TCTN2: variants seen among roughly 807,000 people sequenced by gnomAD.
TCTN2 encodes the protein tectonic family member 2, also known as tectonic-2.
A neutral mutation model predicts 83.4 loss-of-function variants in TCTN2; 66 were observed. That is an observed-to-expected ratio of 0.79 (90% CI 0.65 to 0.97). The LOEUF is 0.97. TCTN2 is among the 50% of genes least tolerant of loss of function. TCTN2 has a pLI of 0.00. For synonymous variants in TCTN2, 301 were observed against 326.7 expected (o/e 0.92, Z 0.85); for missense variants, 794 against 858.1 (o/e 0.93, Z 0.93).
intron 13 of TCTN2, among the ~76,000 whole-genome samples, chr12:123,697,602 C>G (rs1166366642): frequency 2.0e-5 from 3 of 151,756 alleles, no homozygotes; most frequent in African/African-American, 7.3e-5. Context: ...CCGGTTCAAG[C>G]AATTCTCCTG....
At chr12:123,704,058 G>T (rs1956201880) in intron 14 of TCTN2, among the ~76,000 whole-genome samples, 1 of 143,170 alleles carries the variant, frequency 7.0e-6, no homozygotes, top group Non-Finnish European at 1.5e-5. Flanking sequence ...CCAGGCTGCA[G>T]TGCAGTGGTG....
chr12:123,672,367 G>A lies in TCTN2; in HGVS notation c.267+235G>A, dbSNP rs73418104. On this transcript the variant is annotated intron_variant, in intron 3 of 17. Transcript: ENST00000303372. ...TGAACTCTATGAAATTGTATGTAAA[G>A]TTCTGTGTGTATGTGCATTTTTCTG... Among the ~76,000 whole-genome samples the A allele has an allele frequency of 0.055, 8,314 of 152,162 alleles. 444 individuals are homozygous for A. Among genetic ancestry groups the A allele is most frequent in the African/African-American group, 0.13 (5,561 of 41,472 alleles).
intron 4 of TCTN2, 65 bp from the exon 5 acceptor site, chr12:123,679,124 A>G: frequency 6.9e-7 from 1 of 1,443,626 alleles, no homozygotes; most frequent in Non-Finnish European, 9.7e-7. Flanking sequence ...TTGAATGTCA[A>G]AAATGTGACT....
rs925852948 is a variant in TCTN2 at position 123,687,097 on chromosome 12, T to G, written c.764+62T>G. 2.5e-6 allele frequency: 4 copies of G among 1,573,854 alleles called. No homozygotes were observed. In the Admixed American group the frequency reaches 5.0e-5, roughly 20 times the overall value. Reference sequence around the variant, plus strand: ...TTCTCCCGCCCTGGTGGGGCCATACTCTAGTAGGCCCTGCAACGCGGTCAC... The same window carrying G: ...TTCTCCCGCCCTGGTGGGGCCATACGCTAGTAGGCCCTGCAACGCGGTCAC... On this transcript the variant is annotated intron_variant, in intron 6 of 17. Transcript: ENST00000303372.
chr12:123,706,346 C>A (rs184405272), intron 15 of TCTN2, among the ~76,000 whole-genome samples: 1 of 152,132 alleles, frequency 6.6e-6, no homozygotes, highest in African/African-American at 2.4e-5. Flanking sequence ...GTGCCTCGAA[C>A]GTGGAAAGCC....
At chr12:123,694,454 T>C (rs954912590) in intron 9 of TCTN2, among the ~76,000 whole-genome samples, 7 of 152,334 alleles carry the variant, frequency 4.6e-5, no homozygotes, top group African/African-American at 1.7e-4. Context: ...TCATCAAATG[T>C]TAGTGGAGTT....
intron 12 of TCTN2, chr12:123,696,722 A>G: frequency 1.7e-6 from 1 of 572,592 alleles, no homozygotes; most frequent in South Asian, 1.9e-5. Context: ...TGCTAGTAGA[A>G]AAGATTGAAA....
At chr12:123,687,466 G>A (rs1037820443) in intron 6 of TCTN2, among the ~76,000 whole-genome samples, 6 of 151,860 alleles carry the variant, frequency 4.0e-5, no homozygotes, top group Admixed American at 3.3e-4. Flanking sequence ...GACCATCCTG[G>A]CTAACACAGT....
chr12:123,679,110 T>G, intron 4 of TCTN2, 79 bp from the exon 5 acceptor site: 2 of 1,350,574 alleles, frequency 1.5e-6, no homozygotes, highest in Non-Finnish European at 2.1e-6. Context: ...AATTCAGCTT[T>G]CTTTTGAATG....
At position 123,686,958 on chromosome 12, in the gene TCTN2, C is replaced by T. The variant is rs752840193; in HGVS notation, c.687C>T (p.Pro229=). Residue 229 remains proline (P), a synonymous_variant, in exon 6 of 18, where the codon CCC becomes CCT. Transcript: ENST00000303372. ...CTGGGACGACGACACGTGGTGTCCC[C>T]GATTGGTTTCCCTTTCTGTGTGTGC... The part of the protein sequence containing the change: ...CSAGTTTRGV[P]DWFPFLCVQS... 43 of 1,614,166 alleles carry T rather than the reference C, an allele frequency of 2.7e-5. No homozygotes were observed. The highest frequency in any genetic ancestry group is 1.6e-4 in the Middle Eastern group (1 of 6,062).
chr12:123,699,417 AG>A (rs1030200193), intron 13 of TCTN2, among the ~76,000 whole-genome samples: 26 of 152,246 alleles, frequency 1.7e-4, no homozygotes, highest in African/African-American at 6.0e-4. Context: ...AGCCTCCCAA[AG>A]GGTTGGGATT....
chr12:123,707,647 G>T lies in TCTN2; in HGVS notation c.2028G>T (p.Leu676=), dbSNP rs1956246799. 1 of 1,614,068 alleles carries T rather than the reference G, an allele frequency of 6.2e-7. No homozygotes were observed. The highest frequency in any genetic ancestry group is 1.3e-5 in the African/African-American group (1 of 74,912). Residue 676 remains leucine, a synonymous_variant, in exon 18 of 18, where the codon CTG becomes CTT. Transcript: ENST00000303372. ...GTGTTGCTAAGGGCTTACTGTTGCT[G>T]TTGTTCCTCACATTGGCCTTGTTCC... ...SQCVAKGLLL[L]LFLTLALFLS...
intron 8 of TCTN2, 113 bp from the exon 9 acceptor site, chr12:123,692,545 C>T (rs1458296831): frequency 6.1e-6 from 5 of 824,576 alleles, no homozygotes; most frequent in Non-Finnish European, 1.0e-5. Flanking sequence ...TTGTAGTCAG[C>T]ACCCTGGGCA....
Position 123,694,885 on chromosome 12 carries a change from G to A in TCTN2, c.1143G>A (p.Val381=), listed in dbSNP as rs1043194015. The change falls in exon 10 of 18, where the codon GTG becomes GTA. Residue 381 remains valine, a synonymous_variant. Coordinates refer to ENST00000303372, the MANE Select transcript of TCTN2 (RefSeq NM_024809.5). The part of the protein sequence containing the change: ...NNGSTPRIVN[V]EEHYIFKWNN... ...GATCAACCCCTAGAATTGTGAATGT[G>A]GAAGAACATTATATTTTCAAATGGA... 12 of 1,613,000 alleles carry A rather than the reference G, an allele frequency of 7.4e-6. No individual in the cohort carries two copies. The highest frequency in any genetic ancestry group is 1.3e-5 in the African/African-American group (1 of 74,852).
intron 11 of TCTN2, 64 bp from the exon 12 acceptor site, chr12:123,696,351 T>G (rs1450603564): frequency 4.6e-6 from 6 of 1,310,536 alleles, no homozygotes; most frequent in Non-Finnish European, 6.6e-6. Context: ...TTGTATTATT[T>G]GCAGAGTTAG....
At position 123,699,689 on chromosome 12, in the gene TCTN2, C is replaced by T. The variant is rs758216274; in HGVS notation, c.1506-15C>T. The T allele has an allele frequency of 2.5e-6, 4 of 1,604,892 alleles. No individual in the cohort carries two copies. Among genetic ancestry groups the T allele is most frequent in the Middle Eastern group, 3.3e-4 (2 of 6,054 alleles). On this transcript the variant is annotated splice_polypyrimidine_tract_variant and intron_variant, in intron 13 of 17. Transcript: ENST00000303372. Reference sequence around the variant, plus strand: ...CTGCTGGCCATGAGCTGAGAAATGTCTTACTCTCTTGCAGGGAGAATGCTG... The same window carrying T: ...CTGCTGGCCATGAGCTGAGAAATGTTTTACTCTCTTGCAGGGAGAATGCTG...
intron 17 of TCTN2, chr12:123,707,350 A>G (rs1956242880): frequency 6.5e-6 from 4 of 615,812 alleles, no homozygotes; most frequent in Non-Finnish European, 1.2e-5. Context: ...GGGTTCAGAC[A>G]ACTCTCGTGC....
intron 13 of TCTN2, among the ~76,000 whole-genome samples, chr12:123,697,573 C>T (rs7968029): frequency 0.36 from 54,228 of 151,642 alleles, 10,138 homozygotes; most frequent in African/African-American, 0.41. Flanking sequence ...GATCTCGGCT[C>T]ATTGCAGCTT....
At chr12:123,699,176 C>T (rs1956143699) in intron 13 of TCTN2, among the ~76,000 whole-genome samples, 1 of 143,790 alleles carries the variant, frequency 7.0e-6, no homozygotes, top group Admixed American at 7.1e-5. Flanking sequence ...TTTTTTGAGA[C>T]AGGATCTTGC....
Sources: gnomAD v4.1 joint callset for allele counts (sites outside exome capture counted in the v4.1 genomes callset) on GRCh38, gnomAD v4.1.1 for gene constraint, MANE v1.5 for transcripts, NCBI Gene and HGNC (gene_info 2026-07-23, HGNC 2026-07-21) for gene names.